Variants in TBC1D2 observed in about 807,000 individuals in gnomAD.
The protein encoded by TBC1D2 is TBC1 domain family member 2A.
Under a neutral mutation model 91.1 loss-of-function variants are expected in TBC1D2, and 58 were observed. The ratio of observed to expected loss-of-function variants is 0.64; its 90% CI spans 0.52 to 0.79. The LOEUF is 0.79. Ranked by LOEUF, TBC1D2 falls within the 30% of genes least tolerant of loss-of-function variation. TBC1D2 has a pLI of 0.00. For synonymous variants in TBC1D2, 482 were observed against 511.5 expected (o/e 0.94, Z 0.78); for missense variants, 1,080 against 1,208.3 (o/e 0.89, Z 1.57).
intron 9 of TBC1D2, among the ~76,000 whole-genome samples, chr9:98,204,388 C>T (rs561687708): frequency 7.2e-5 from 11 of 152,298 alleles, no homozygotes; most frequent in East Asian, 5.8e-4. Context: ...CCCAGGGTCG[C>T]CCAGGGGGTC....
chr9:98,233,618 C>G, intron 3 of TBC1D2, 69 bp from the exon 4 acceptor site: 2 of 1,578,200 alleles, frequency 1.3e-6, no homozygotes, highest in East Asian at 2.3e-5. Flanking sequence ...TCCTTCCCGC[C>G]ACCACTGCTG....
chr9:98,201,805 C>T (rs943396734), intron 10 of TBC1D2, 141 bp from the exon 11 acceptor site: 49 of 782,826 alleles, frequency 6.3e-5, no homozygotes, highest in South Asian at 4.9e-4. Flanking sequence ...GGAGACACCT[C>T]GGGGAGCCAG....
intron 2 of TBC1D2, among the ~76,000 whole-genome samples, chr9:98,251,561 A>G (rs557286930): frequency 1.3e-5 from 2 of 152,330 alleles, no homozygotes; most frequent in East Asian, 3.9e-4. Context: ...GGAAGGAAAC[A>G]AGCTCAGAAA....
chr9:98,241,952 T>C (rs1829647212), intron 3 of TBC1D2, among the ~76,000 whole-genome samples: 1 of 152,166 alleles, frequency 6.6e-6, no homozygotes, highest in African/African-American at 2.4e-5. Context: ...ACTCATTGTC[T>C]TTTCCCTAAA....
intron 5 of TBC1D2, among the ~76,000 whole-genome samples, chr9:98,226,874 C>T (rs1405355689): frequency 2.0e-5 from 3 of 152,300 alleles, no homozygotes; most frequent in East Asian, 3.9e-4. Flanking sequence ...AGAATCTTGC[C>T]TTTATTTATT....
intron 5 of TBC1D2, among the ~76,000 whole-genome samples, chr9:98,227,242 G>A (rs1412793813): frequency 6.6e-6 from 1 of 152,184 alleles, no homozygotes; most frequent in Non-Finnish European, 1.5e-5. Flanking sequence ...TACACATTTG[G>A]GTGTTGCTTT....
At chr9:98,216,094 C>T (rs73486592) in intron 6 of TBC1D2, among the ~76,000 whole-genome samples, 5,931 of 152,290 alleles carry the variant, frequency 0.039, 412 homozygotes, top group African/African-American at 0.14. Flanking sequence ...TCTGTCTTGA[C>T]CACTGAGCCC....
chr9:98,255,296 C>G lies in TBC1D2; in HGVS notation c.246G>C (p.Arg82=), dbSNP rs376360614. The change falls in exon 1 of 13, where the codon CGG becomes CGC. Residue 82 remains arginine (R), a synonymous_variant. Coordinates refer to ENST00000465784, the MANE Select transcript of TBC1D2 (RefSeq NM_001267571.2). ...CCAAGGGATTGGCATCCTGAGCGGTCCGCGAGTAATACAGCTGACATTTCC... is the reference window on the plus strand; with the variant it reads ...CCAAGGGATTGGCATCCTGAGCGGTGCGCGAGTAATACAGCTGACATTTCC... ...DERKCQLYYS[R]TAQDANPLDS... 1 of 1,614,254 alleles carries G rather than the reference C, an allele frequency of 6.2e-7. No individual in the cohort carries two copies. Among genetic ancestry groups the G allele is most frequent in the Non-Finnish European group, 8.5e-7 (1 of 1,180,046 alleles).
intron 5 of TBC1D2, among the ~76,000 whole-genome samples, chr9:98,223,985 G>T (rs1382416167): frequency 6.6e-6 from 1 of 152,086 alleles, no homozygotes; most frequent in Non-Finnish European, 1.5e-5. Context: ...GGATCACGAG[G>T]TCAGGAGATC....
At chr9:98,232,431 C>G (rs1829395391) in intron 4 of TBC1D2, among the ~76,000 whole-genome samples, 1 of 148,572 alleles carries the variant, frequency 6.7e-6, no homozygotes, top group African/African-American at 2.5e-5. Context: ...GTGATCCTCC[C>G]AGCTGAGCAT....
At chr9:98,236,967 G>A in intron 3 of TBC1D2, among the ~76,000 whole-genome samples, 2 of 151,740 alleles carry the variant, frequency 1.3e-5, no homozygotes, top group Non-Finnish European at 2.9e-5. Flanking sequence ...CTTTTCATGG[G>A]GTTGGGAATT....
Position 98,199,309 on chromosome 9 carries a change from G to C in TBC1D2, c.*72C>G, listed in dbSNP as rs1012239120. ...ATGGGACACCCAGGGCTGGGCCACTGGTCCGTGCCTGACCTCCAGTGGGTC... is the reference window on the plus strand; with the variant it reads ...ATGGGACACCCAGGGCTGGGCCACTCGTCCGTGCCTGACCTCCAGTGGGTC... On this transcript the variant is annotated 3_prime_UTR_variant, in exon 13 of 13. Coordinates refer to ENST00000465784, the MANE Select transcript of TBC1D2 (RefSeq NM_001267571.2). 4 of 1,558,290 alleles carry C rather than the reference G, an allele frequency of 2.6e-6. No homozygotes were observed. The African/African-American group carries it at 4.1e-5, about 16-fold the overall frequency.
At chr9:98,205,856 C>T (rs1410761829) in intron 9 of TBC1D2, among the ~76,000 whole-genome samples, 1 of 152,134 alleles carries the variant, frequency 6.6e-6, no homozygotes, top group African/African-American at 2.4e-5. Flanking sequence ...GCCACGGCGC[C>T]GGGCCCACAC....
At chr9:98,232,343 T>TTTTTTTTTTTTTG (rs1554754387) in intron 4 of TBC1D2, among the ~76,000 whole-genome samples, 1 of 108,554 alleles carries the variant, frequency 9.2e-6, no homozygotes, top group African/African-American at 4.9e-5. Flanking sequence ...TCTTTTTCTG[T>TTTTTTTTTTTTTG]TTTTTTTTTT....
At chr9:98,227,678 A>G (rs1473315867) in intron 5 of TBC1D2, among the ~76,000 whole-genome samples, 2 of 151,766 alleles carry the variant, frequency 1.3e-5, no homozygotes, top group African/African-American at 4.8e-5. Flanking sequence ...GCTACTTGGG[A>G]GGCTGAGGCA....
chr9:98,251,722 G>T, intron 2 of TBC1D2, 63 bp downstream of exon 2: 1 of 1,484,328 alleles, frequency 6.7e-7, no homozygotes, highest in Non-Finnish European at 8.9e-7. Flanking sequence ...TTCCCAGCAG[G>T]AGGGTAAAGG....
chr9:98,228,868 T>C lies in TBC1D2; in HGVS notation c.978+84A>G, dbSNP rs1738002031. Reference sequence around the variant, plus strand: ...AGTAGCTGGTGCCCAGCACGGCTAATGCGTCCCATCTAGCTTATCCGAAAG... The same window carrying C: ...AGTAGCTGGTGCCCAGCACGGCTAACGCGTCCCATCTAGCTTATCCGAAAG... On this transcript the variant is annotated intron_variant, in intron 5 of 12. Transcript: ENST00000465784. This position sits in a 1 kb window ranked among gnomAD's most constrained non-coding sequence, Gnocchi z 4.0. 8 of 1,348,058 alleles carry C rather than the reference T, an allele frequency of 5.9e-6. No homozygotes were observed. Among genetic ancestry groups the C allele is most frequent in the Non-Finnish European group, 7.2e-6 (7 of 975,780 alleles). 83.5% of individuals were successfully genotyped at this position (1,348,058 alleles called of 1,614,324 possible). A position where few individuals can be genotyped will look rare whatever the true frequency, so the allele number is the denominator to read the frequency against.
chr9:98,222,480 T>A (rs1829123690), intron 5 of TBC1D2, among the ~76,000 whole-genome samples: 2 of 152,164 alleles, frequency 1.3e-5, no homozygotes, highest in Admixed American at 1.3e-4. Flanking sequence ...TCAGAAACAA[T>A]AGAGCTTGAT....
intron 12 of TBC1D2, 133 bp downstream of exon 12, chr9:98,200,120 A>G: frequency 7.5e-7 from 1 of 1,338,488 alleles, no homozygotes. Context: ...GACTTCCCCA[A>G]AGATTTCTAA....
Sources: gnomAD v4.1 joint callset for allele counts (sites outside exome capture counted in the v4.1 genomes callset) on GRCh38, gnomAD v4.1.1 for gene constraint, Gnocchi (gnomAD v3.1) non-coding constraint, MANE v1.5 for transcripts, NCBI Gene and HGNC (gene_info 2026-07-23, HGNC 2026-07-21) for gene names.